The following SLC39A14 variants were observed in gnomAD, a reference collection of about 807,000 sequenced individuals.
SLC39A14 encodes metal cation symporter ZIP14.
In SLC39A14, 19 loss-of-function variants were observed where a neutral mutation model predicts 45.5. The ratio of observed to expected loss-of-function variants is 0.42; its 90% confidence interval spans 0.29 to 0.61. The LOEUF (loss-of-function observed/expected upper bound fraction) is 0.61, where lower values mean the gene tolerates loss of function less well. SLC39A14 is among the 20% of genes least tolerant of loss of function. The pLI is 0.22. For synonymous variants in SLC39A14, 264 were observed against 251.3 expected (o/e 1.05, Z -0.48); for missense variants, 447 against 616.5 (o/e 0.73, Z 2.91).
In SLC39A14 at chr8:22,421,547, C is replaced by CT. The variant is rs1554522487; in HGVS notation, c.*1850dup. On this transcript the variant is annotated 3_prime_UTR_variant, in exon 9 of 9. Transcript: ENST00000381237. ...GAACCAATTCCTTGAATGTTGGAATCTAACTTTTTATATTGTCATTATTAT... is the reference window on the plus strand; with the variant it reads ...GAACCAATTCCTTGAATGTTGGAATCTTAACTTTTTATATTGTCATTATTAT... 1 of 985,490 alleles carries CT rather than the reference C, an allele frequency of 1.0e-6. No individual in the cohort carries two copies. Among genetic ancestry groups the CT allele is most frequent in the Non-Finnish European group, 1.2e-6 (1 of 829,598 alleles). 61.0% of individuals were successfully genotyped at this position (985,490 alleles called of 1,614,324 possible). A position where few individuals can be genotyped will look rare whatever the true frequency, so the allele number is the denominator to read the frequency against.
rs149847440 is a variant in SLC39A14, at chr8:22,407,035, G to C, written c.271-1275G>C. Among the ~76,000 whole-genome samples, 10 of 152,334 alleles carry C rather than the reference G, an allele frequency of 6.6e-5. No individual in the cohort carries two copies. In the East Asian group the frequency reaches 1.7e-3, roughly 26 times the overall value. ...ATTTCACAGGAACGGTTCGTGAGAA[G>C]CGCTTACCTGCTGCCTCCCAAGGTG... On this transcript the variant is annotated intron_variant, in intron 2 of 8. Coordinates refer to ENST00000381237, the MANE Select transcript of SLC39A14 (RefSeq NM_001128431.4).
intron 1 of SLC39A14, among the ~76,000 whole-genome samples, chr8:22,392,554 A>C (rs1294115774): frequency 6.6e-6 from 1 of 152,138 alleles, no homozygotes; most frequent in Non-Finnish European, 1.5e-5. Flanking sequence ...CGGTCTGACA[A>C]ATGGGAGTGA....
intron 3 of SLC39A14, chr8:22,409,907 C>T: frequency 1.2e-6 from 2 of 1,610,472 alleles, no homozygotes; most frequent in Non-Finnish European, 1.7e-6. Flanking sequence ...TCCCCACCCT[C>T]AGTAATAGAG....
Position 22,404,960 on chromosome 8 carries a change from G to T in SLC39A14, c.250G>T (p.Gly84Ter). ...GGGTAATGTCACCCAGCACGTGCAA[G>T]GACACAGGAACCTCTCCACGGTAAG... Reference protein sequence around the residue: ...GRGNVTQHVQGHRNLSTCFSS... With the variant: ...GRGNVTQHVQ Residue 84 changes from glycine (G) to a stop codon, truncating the protein, a stop_gained, in exon 2 of 9, where the codon GGA (glycine) becomes TGA (stop). Coordinates refer to ENST00000381237, the MANE Select transcript of SLC39A14 (RefSeq NM_001128431.4). LOFTEE classifies it high-confidence loss of function. 1 of 1,614,106 alleles carries T rather than the reference G, an allele frequency of 6.2e-7. No homozygotes were observed. Among genetic ancestry groups the T allele is most frequent in the Non-Finnish European group, 8.5e-7 (1 of 1,180,004 alleles).
At chr8:22,406,977 G>T (rs1835260372) in intron 2 of SLC39A14, among the ~76,000 whole-genome samples, 1 of 152,186 alleles carries the variant, frequency 6.6e-6, no homozygotes, top group African/African-American at 2.4e-5. Flanking sequence ...TGGCATGTAG[G>T]TGTAGACAGT....
chr8:22,415,811 T>A lies in SLC39A14; in HGVS notation c.793T>A (p.Ser265Thr). The change falls in exon 6 of 9, where the codon TCC (serine) becomes ACC (threonine). Residue 265 changes from serine (S) to threonine (T), a missense_variant. Coordinates refer to ENST00000381237, the MANE Select transcript of SLC39A14 (RefSeq NM_001128431.4). ...CCATTATGCCTCTGAGTCGCTTCCC[T>A]CCAAGAAGGACCAGGAGGAGGGGGT... ...HSHYASESLPSKKDQEEGVME... is the reference protein window; with the variant it reads ...HSHYASESLPTKKDQEEGVME... 6.2e-7 allele frequency: 1 copy of A among 1,613,228 alleles called. No homozygotes were observed.
In SLC39A14 at chr8:22,415,924, C is replaced by T. The variant is rs375641732; in HGVS notation, c.906C>T (p.Asp302=). ...SELDGKAPMV[D]EKVIVGSLSV... is the part of the protein sequence containing the mutation. ...TGGACGGCAAGGCGCCCATGGTGGA[C>T]GAGAAGGTCATTGTGGGCTCGCTCT... The change falls in exon 6 of 9, where the codon GAC becomes GAT. Residue 302 remains aspartate, a synonymous_variant. Coordinates refer to ENST00000381237, the MANE Select transcript of SLC39A14 (RefSeq NM_001128431.4). The T allele has an allele frequency of 6.4e-5, 103 of 1,607,870 alleles. No homozygotes were observed. The highest frequency in any genetic ancestry group is 3.4e-4 in the South Asian group (31 of 90,614).
intron 1 of SLC39A14, among the ~76,000 whole-genome samples, chr8:22,392,434 T>G (rs1251840789): frequency 4.6e-5 from 7 of 152,118 alleles, no homozygotes; most frequent in African/African-American, 1.7e-4. Flanking sequence ...GATCATTCTT[T>G]CTATTTATTT....
intron 1 of SLC39A14, among the ~76,000 whole-genome samples, chr8:22,387,172 TAAAAA>T (rs71544897): frequency 7.0e-6 from 1 of 142,906 alleles, no homozygotes. Flanking sequence ...GACCCTGTCT[TAAAAA>T]AAAAAAAAAG....
At chr8:22,402,946 A>C (rs957580604) in intron 1 of SLC39A14, among the ~76,000 whole-genome samples, 1 of 149,992 alleles carries the variant, frequency 6.7e-6, no homozygotes, top group African/African-American at 2.5e-5. Context: ...CCAGTCTGTA[A>C]TTTTTCTCTT....
downstream of SLC39A14, among the ~76,000 whole-genome samples, chr8:22,424,765 G>A (rs187047157): frequency 6.1e-4 from 92 of 151,156 alleles, no homozygotes; most frequent in Non-Finnish European, 1.0e-3. Context: ...AATGGCTCAC[G>A]CCTGTAATCC....
At chr8:22,430,674 CT>C (rs997138306) in intron 8 of SLC39A14, among the ~76,000 whole-genome samples, 2 of 151,098 alleles carry the variant, frequency 1.3e-5, no homozygotes, top group African/African-American at 2.4e-5. Context: ...GCTCCCAATT[CT>C]TTTTTTTTCG....
chr8:22,409,609 T>G (rs1347063772), intron 3 of SLC39A14, among the ~76,000 whole-genome samples: 1 of 152,218 alleles, frequency 6.6e-6, no homozygotes. Flanking sequence ...CTCGAACTCC[T>G]GACCTCAGGT....
At chr8:22,394,316 T>G (rs1434486113) in intron 1 of SLC39A14, among the ~76,000 whole-genome samples, 1 of 145,106 alleles carries the variant, frequency 6.9e-6, no homozygotes, top group African/African-American at 2.6e-5. Context: ...TGTAATGATT[T>G]TTTATTATGT....
chr8:22,373,800 T>C (rs1410670023), intron 1 of SLC39A14, among the ~76,000 whole-genome samples: 2 of 151,640 alleles, frequency 1.3e-5, no homozygotes, highest in East Asian at 1.9e-4. Context: ...AGTGTCTCTC[T>C]GTCACCCAGG....
At chr8:22,368,510 T>G (rs1032374239) in intron 1 of SLC39A14, among the ~76,000 whole-genome samples, 1 of 89,356 alleles carries the variant, frequency 1.1e-5, no homozygotes, top group African/African-American at 8.5e-5. Context: ...TATTTTATTT[T>G]ATTTTATTTT....
chr8:22,407,416 A>G (rs1402980998), intron 2 of SLC39A14, among the ~76,000 whole-genome samples: 10 of 152,120 alleles, frequency 6.6e-5, no homozygotes, highest in Non-Finnish European at 1.2e-4. Flanking sequence ...GCTGGAGTGC[A>G]GTGGCGCGAT....
chr8:22,397,775 C>T (rs986074335), intron 1 of SLC39A14, among the ~76,000 whole-genome samples: 2 of 152,132 alleles, frequency 1.3e-5, no homozygotes, highest in African/African-American at 4.8e-5. Flanking sequence ...GCTGGAGATA[C>T]ATTTCTATCA....
At chr8:22,376,170 TTTG>T (rs1002627415) in intron 1 of SLC39A14, among the ~76,000 whole-genome samples, 1 of 152,034 alleles carries the variant, frequency 6.6e-6, no homozygotes, top group African/African-American at 2.4e-5. Flanking sequence ...GTCACAGTTT[TTTG>T]TTGTTGTTGT....
Sources: gnomAD v4.1 joint callset for allele counts (sites outside exome capture counted in the v4.1 genomes callset) on GRCh38, gnomAD v4.1.1 for gene constraint, MANE v1.5 for transcripts, NCBI Gene and HGNC (gene_info 2026-07-23, HGNC 2026-07-21) for gene names.